The following ERC2 variants were observed in gnomAD, a reference collection of about 807,000 sequenced individuals.
ERC2 encodes the protein ELKS/RAB6-interacting/CAST family member 2.
A neutral mutation model predicts 114.8 loss-of-function variants in ERC2; 42 were observed. The observed-to-expected ratio is 0.37, with a 90% CI of 0.29 to 0.47. ERC2 has a LOEUF of 0.47. Among genes scored for constraint, ERC2 ranks in the 20% least tolerant of loss-of-function variants. ERC2 has a pLI of 0.99. For missense variants in ERC2, 939 were observed against 1,150.7 expected, an observed-to-expected ratio of 0.82 and a Z score of 2.66; for synonymous variants, 454 against 425.5, an observed-to-expected ratio of 1.07 and a Z score of -0.82.
intron 14 of ERC2, among the ~76,000 whole-genome samples, chr3:55,815,481 A>C (rs908450554): frequency 2.6e-5 from 4 of 152,180 alleles, no homozygotes; most frequent in Non-Finnish European, 5.9e-5. Context: ...CTGAGTTGAA[A>C]ATGGAGCGGC....
In ERC2 at chr3:56,434,820, T is replaced by G; in HGVS notation, c.188A>C (p.Tyr63Ser). ...NAAYATSGPMYLSDHEGVAST... is the reference protein window; with the variant it reads ...NAAYATSGPMSLSDHEGVAST... Reference sequence around the variant, plus strand: ...AGCCACCCCTTCATGATCACTCAGATACATGGGTCCAGACGTAGCATAGGC... The same window carrying G: ...AGCCACCCCTTCATGATCACTCAGAGACATGGGTCCAGACGTAGCATAGGC... The change falls in exon 2 of 18, where the codon TAT becomes TCT. Residue 63 changes from tyrosine (Y) to serine (S), a missense_variant. By Grantham distance (144) the Tyr-to-Ser change is moderately radical. Transcript: ENST00000288221. The G allele has an allele frequency of 6.2e-7, 1 of 1,613,914 alleles. No individual in the cohort carries two copies. The highest frequency in any genetic ancestry group is 8.5e-7 in the Non-Finnish European group (1 of 1,179,874).
At chr3:56,291,133 C>A (rs1443987007) in intron 3 of ERC2, among the ~76,000 whole-genome samples, 1 of 152,174 alleles carries the variant, frequency 6.6e-6, no homozygotes, top group Admixed American at 6.5e-5. Context: ...TAATCCATTT[C>A]TTTTTCTTTA....
intron 16 of ERC2, among the ~76,000 whole-genome samples, chr3:55,693,693 G>A (rs2062781815): frequency 6.6e-6 from 1 of 152,002 alleles, no homozygotes; most frequent in South Asian, 2.1e-4. Context: ...GAGAATGGAT[G>A]AGACTACATA....
At chr3:56,017,855 G>A (rs972710663) in intron 8 of ERC2, among the ~76,000 whole-genome samples, 3 of 152,160 alleles carry the variant, frequency 2.0e-5, no homozygotes, top group African/African-American at 7.2e-5. Flanking sequence ...GCTCAAAAGA[G>A]GACCTGTCAC....
intron 2 of ERC2, among the ~76,000 whole-genome samples, chr3:56,343,987 TC>T (rs1301217961): frequency 5.3e-5 from 8 of 152,222 alleles, no homozygotes; most frequent in Non-Finnish European, 1.2e-4. Context: ...AACATTCTTT[TC>T]CCCCAGAGAA....
chr3:55,967,020 C>A (rs1367581341), intron 12 of ERC2, among the ~76,000 whole-genome samples: 1 of 152,198 alleles, frequency 6.6e-6, no homozygotes, highest in Non-Finnish European at 1.5e-5. Flanking sequence ...TTCTGTATAA[C>A]AGAGACATTG....
At chr3:56,306,480 C>A (rs893372532) in intron 2 of ERC2, among the ~76,000 whole-genome samples, 1 of 152,000 alleles carries the variant, frequency 6.6e-6, no homozygotes, top group Non-Finnish European at 1.5e-5. Context: ...GAATATTGAA[C>A]GGAAGAAGTA....
intron 17 of ERC2, among the ~76,000 whole-genome samples, chr3:55,653,516 G>C (rs2060728792): frequency 6.6e-6 from 1 of 152,026 alleles, no homozygotes; most frequent in South Asian, 2.1e-4. Flanking sequence ...AAGTGCAAAA[G>C]AGGGAGTTGT....
Position 55,605,025 on chromosome 3 carries a change from G to T in ERC2, c.*39+78769C>A, listed in dbSNP as rs567030321. Among the ~76,000 whole-genome samples the T allele has an allele frequency of 3.2e-4, 49 of 152,276 alleles. 1 individual carries two copies. The South Asian group carries it at 5.2e-3, about 16-fold the overall frequency. On this transcript the variant is annotated intron_variant, in intron 17 of 17. Coordinates refer to ENST00000288221, the MANE Select transcript of ERC2 (RefSeq NM_015576.3). ...CCCAGGTGATGCGAGGATGCCAGTG[G>T]CTCTTCAAGGCACTGCACTTAGAGA...
At chr3:56,467,293 C>T (rs2063588504) in intron 1 of ERC2, among the ~76,000 whole-genome samples, 1 of 152,188 alleles carries the variant, frequency 6.6e-6, no homozygotes, top group African/African-American at 2.4e-5. Flanking sequence ...GCAGGTGTGG[C>T]TGTCAATCAC....
At chr3:56,424,903 C>T (rs1451075191) in intron 2 of ERC2, among the ~76,000 whole-genome samples, 2 of 152,208 alleles carry the variant, frequency 1.3e-5, no homozygotes, top group African/African-American at 4.8e-5. Flanking sequence ...GGGGAAAACA[C>T]ACACAAGCAC....
intron 17 of ERC2, among the ~76,000 whole-genome samples, chr3:55,535,724 G>A (rs982181670): frequency 2.6e-5 from 4 of 152,146 alleles, no homozygotes; most frequent in African/African-American, 9.7e-5. Flanking sequence ...CACAGGCTGG[G>A]CGTGGTCGCC....
At chr3:56,370,183 GCAAA>G (rs1198963113) in intron 2 of ERC2, among the ~76,000 whole-genome samples, 2 of 152,120 alleles carry the variant, frequency 1.3e-5, no homozygotes, top group Admixed American at 1.3e-4. Flanking sequence ...CATTCTTTAT[GCAAA>G]CAATCAGAGC....
At chr3:56,111,070 A>G (rs1025648326) in intron 6 of ERC2, among the ~76,000 whole-genome samples, 2 of 152,106 alleles carry the variant, frequency 1.3e-5, no homozygotes, top group African/African-American at 4.8e-5. Flanking sequence ...TTGAGGGCAC[A>G]TGACCTCTAC....
chr3:56,074,022 T>C (rs1356704553), intron 7 of ERC2, among the ~76,000 whole-genome samples: 2 of 152,164 alleles, frequency 1.3e-5, no homozygotes, highest in African/African-American at 4.8e-5. Flanking sequence ...TAAAATTACA[T>C]TATTTAGTGG....
intron 2 of ERC2, among the ~76,000 whole-genome samples, chr3:56,413,046 C>T (rs2061003296): frequency 1.3e-5 from 2 of 152,134 alleles, no homozygotes; most frequent in African/African-American, 2.4e-5. Flanking sequence ...CTTACTGGCC[C>T]TGATGGAAAA....
intron 14 of ERC2, among the ~76,000 whole-genome samples, chr3:55,813,204 G>T (rs1199073107): frequency 1.3e-5 from 2 of 152,116 alleles, no homozygotes; most frequent in African/African-American, 4.8e-5. Flanking sequence ...ACCTTCTCAG[G>T]CTATACTAGT....
intron 7 of ERC2, among the ~76,000 whole-genome samples, chr3:56,062,223 G>A (rs2149708967): frequency 6.6e-6 from 1 of 152,282 alleles, no homozygotes; most frequent in African/African-American, 2.4e-5. Context: ...AAATAAAGAA[G>A]TACTATTGCT....
chr3:56,325,182 C>T (rs897630269), intron 2 of ERC2, among the ~76,000 whole-genome samples: 4 of 152,000 alleles, frequency 2.6e-5, no homozygotes, highest in Non-Finnish European at 5.9e-5. Context: ...CGGTGGCTCA[C>T]GTCTGTAATC....
Sources: allele counts gnomAD v4.1 joint callset (sites outside exome capture counted in the v4.1 genomes callset), GRCh38; gene constraint gnomAD v4.1.1; transcripts MANE v1.5; gene names NCBI Gene and HGNC (gene_info 2026-07-23, HGNC 2026-07-21).